Variants in DCAF17 observed in about 807,000 individuals in gnomAD.
The protein encoded by DCAF17 is DDB1 and CUL4 associated factor 17, also known as DDB1- and CUL4-associated factor 17.
A neutral mutation model predicts 66.0 loss-of-function variants in DCAF17; 48 were observed. The ratio of observed to expected loss-of-function variants is 0.73; its 90% confidence interval spans 0.58 to 0.92. The LOEUF (loss-of-function observed/expected upper bound fraction) is 0.92. Ranked by LOEUF, DCAF17 falls within the 40% of genes least tolerant of loss-of-function variation. The probability of loss-of-function intolerance (pLI) is 0.00; values close to 1 mark genes in which losing one functional copy is unlikely to be tolerated. For synonymous variants in DCAF17, 206 were observed against 214.6 expected (o/e 0.96, Z 0.35); for missense variants, 562 against 622.8 (o/e 0.90, Z 1.04).
intron 12 of DCAF17, among the ~76,000 whole-genome samples, 188 bp downstream of exon 12, chr2:171,478,258 T>A (rs1696592115): frequency 6.6e-6 from 1 of 152,232 alleles, no homozygotes; most frequent in African/African-American, 2.4e-5. Context: ...ATATTGTAAT[T>A]ATTCTTAAAG....
chr2:171,447,356 C>G (rs1019158883), intron 3 of DCAF17: 14 of 353,668 alleles, frequency 4.0e-5, no homozygotes, highest in Admixed American at 3.1e-4. Context: ...CCTCTCTTTA[C>G]TTTCTTTCTT....
chr2:171,447,571 C>G (rs1161243021), intron 3 of DCAF17: 1 of 170,624 alleles, frequency 5.9e-6, no homozygotes, highest in African/African-American at 2.4e-5. Flanking sequence ...GCCATGTTGG[C>G]CAGGCTGGTC....
rs1693686548 is a variant in DCAF17, at chr2:171,434,636, G to T, written c.59G>T (p.Cys20Phe). Residue 20 changes from cysteine to phenylalanine, a missense_variant, in exon 1 of 14, where the codon TGC becomes TTC. Cys to Phe is a radical substitution (Grantham distance 205). Coordinates refer to ENST00000375255, the MANE Select transcript of DCAF17 (RefSeq NM_025000.4). ...CSRLSRRALG[C>F]FSRDAGVVQR... ...CGGCTGAGTCGCCGGGCGCTGGGCT[G>T]CTTCTCGCGCGACGCAGGCGTGGTG... 2.0e-6 allele frequency: 3 copies of T among 1,533,506 alleles called. No individual in the cohort carries two copies. Among genetic ancestry groups the T allele is most frequent in the Non-Finnish European group, 2.6e-6 (3 of 1,148,072 alleles). 95.0% of individuals were successfully genotyped at this position (1,533,506 alleles called of 1,614,324 possible). A position where few individuals can be genotyped will look rare whatever the true frequency, so the allele number is the denominator to read the frequency against.
intron 3 of DCAF17, among the ~76,000 whole-genome samples, chr2:171,446,265 TG>T (rs1694617905): frequency 6.6e-6 from 1 of 151,698 alleles, no homozygotes; most frequent in Non-Finnish European, 1.5e-5. Context: ...TCTAGGAGAG[TG>T]GCCAGGTGCG....
At position 171,435,201 on chromosome 2, in the gene DCAF17, A is replaced by G. The variant is rs778241115; in HGVS notation, c.230+15A>G. 3.8e-6 allele frequency: 6 copies of G among 1,585,330 alleles called. No individual in the cohort carries two copies. The East Asian group carries it at 6.7e-5, about 18-fold the overall frequency. On this transcript the variant is annotated intron_variant, in intron 2 of 13. Transcript: ENST00000375255. ...TGTGTCAGCAGGTAACTTTTTATTG[A>G]TAATTTTGCTGTAATTCACCTCACT...
intron 8 of DCAF17, among the ~76,000 whole-genome samples, chr2:171,467,468 C>T (rs983235787): frequency 1.3e-5 from 2 of 151,992 alleles, no homozygotes; most frequent in Admixed American, 6.6e-5. Flanking sequence ...GCAGGCGGAT[C>T]GCTTGTGGCC....
At chr2:171,460,978 T>C (rs1695554039) in intron 8 of DCAF17, among the ~76,000 whole-genome samples, 1 of 152,158 alleles carries the variant, frequency 6.6e-6, no homozygotes, top group Non-Finnish European at 1.5e-5. Context: ...ACTAAGAAAA[T>C]TAGCACATTA....
rs1696717681 is a variant in DCAF17 at position 171,480,986 on chromosome 2, G to A, written c.1435G>A (p.Glu479Lys). The A allele has an allele frequency of 6.2e-7, 1 of 1,613,762 alleles. No individual in the cohort carries two copies. Among genetic ancestry groups the A allele is most frequent in the Non-Finnish European group, 8.5e-7 (1 of 1,179,694 alleles). ...TGTTTTGTTACAGACATATAGCCAT[G>A]AAGTCTACTTTGACAGAGACTTGGT... ...VESWDVTYSH[E>K]VYFDRDLVLH... Residue 479 changes from glutamate to lysine, a missense_variant, in exon 14 of 14, where the codon GAA becomes AAA. Physicochemically the swap from Glu to Lys is moderately conservative, Grantham distance 56. This residue lies in a region of DCAF17 where 201 missense variants were observed against 231.1 expected (regional missense o/e 0.87). Transcript: ENST00000375255.
Position 171,481,006 on chromosome 2 carries a change from C to T in DCAF17, c.1455C>T (p.Asp485=), listed in dbSNP as rs1387898294. The T allele has an allele frequency of 6.2e-7, 1 of 1,613,742 alleles. No individual in the cohort carries two copies. Among genetic ancestry groups the T allele is most frequent in the Non-Finnish European group, 8.5e-7 (1 of 1,179,714 alleles). Residue 485 remains aspartate (D), a synonymous_variant, in exon 14 of 14, where the codon GAC becomes GAT. Transcript: ENST00000375255. ...GCCATGAAGTCTACTTTGACAGAGACTTGGTGCTACACATAGAGCAGAAAC... is the reference window on the plus strand; with the variant it reads ...GCCATGAAGTCTACTTTGACAGAGATTTGGTGCTACACATAGAGCAGAAAC... ...TYSHEVYFDR[D]LVLHIEQKPN...
intron 3 of DCAF17, among the ~76,000 whole-genome samples, chr2:171,446,386 A>T (rs1694626030): frequency 1.3e-5 from 2 of 152,066 alleles, no homozygotes; most frequent in African/African-American, 2.4e-5. Context: ...TCTCTACTAA[A>T]AATACAAAAA....
chr2:171,482,091 A>G lies in DCAF17; in HGVS notation c.*977A>G. ...AAGCATTATTTCTTCTTTGTTAGGAAAGATCTAAATATGGTCCTTGACTTT... is the reference window on the plus strand; with the variant it reads ...AAGCATTATTTCTTCTTTGTTAGGAGAGATCTAAATATGGTCCTTGACTTT... On this transcript the variant is annotated 3_prime_UTR_variant, in exon 14 of 14. Coordinates refer to ENST00000375255, the MANE Select transcript of DCAF17 (RefSeq NM_025000.4). The G allele has an allele frequency of 2.2e-6, 1 of 453,252 alleles. No homozygotes were observed. The highest frequency in any genetic ancestry group is 4.4e-6 in the Non-Finnish European group (1 of 226,598). 28.1% of individuals were successfully genotyped at this position (453,252 alleles called of 1,614,324 possible). A position where few individuals can be genotyped will look rare whatever the true frequency, so the allele number is the denominator to read the frequency against.
chr2:171,455,255 G>A (rs898557885), intron 6 of DCAF17, among the ~76,000 whole-genome samples: 4 of 152,106 alleles, frequency 2.6e-5, no homozygotes. Context: ...AGAACATGGA[G>A]TATTTGGTTT....
intron 2 of DCAF17, among the ~76,000 whole-genome samples, chr2:171,436,974 A>G (rs2105719138): frequency 6.6e-6 from 1 of 152,052 alleles, no homozygotes; most frequent in East Asian, 1.9e-4. Flanking sequence ...GGGTTTCTCC[A>G]TGTTGGTCAG....
rs2105302156 is a variant in DCAF17 at position 171,481,580 on chromosome 2, A to G, written c.*466A>G. 1 of 454,060 alleles carries G rather than the reference A, an allele frequency of 2.2e-6. No homozygotes were observed. The highest frequency in any genetic ancestry group is 1.6e-5 in the South Asian group (1 of 64,474). 28.1% of individuals were successfully genotyped at this position (454,060 alleles called of 1,614,324 possible). A position where few individuals can be genotyped will look rare whatever the true frequency, so the allele number is the denominator to read the frequency against. ...ACTTTGCTTAAGGATGAGAAATGAG[A>G]TGTGTTATGTGAGAACATTATTTTG... is the stretch of plus-strand genomic sequence containing the variant. On this transcript the variant is annotated 3_prime_UTR_variant, in exon 14 of 14. Coordinates refer to ENST00000375255, the MANE Select transcript of DCAF17 (RefSeq NM_025000.4).
At position 171,453,216 on chromosome 2, in the gene DCAF17, A is replaced by G. The variant is rs1157200367; in HGVS notation, c.627+3A>G. ...GGATTCTAGAGATCAACAAAAAGGTAAGAACTCATTTCTTATTTAATTGCA... is the reference window on the plus strand; with the variant it reads ...GGATTCTAGAGATCAACAAAAAGGTGAGAACTCATTTCTTATTTAATTGCA... On this transcript the variant is annotated splice_donor_region_variant and intron_variant, in intron 6 of 13. Transcript: ENST00000375255. 6.2e-7 allele frequency: 1 copy of G among 1,601,964 alleles called. No homozygotes were observed. The highest frequency in any genetic ancestry group is 8.5e-7 in the Non-Finnish European group (1 of 1,170,480).
In DCAF17 at chr2:171,481,754, A is replaced by G. The variant is rs1332877924; in HGVS notation, c.*640A>G. The G allele has an allele frequency of 2.2e-6, 1 of 453,584 alleles. No individual in the cohort carries two copies. Among genetic ancestry groups the G allele is most frequent in the East Asian group, 6.9e-5 (1 of 14,392 alleles). The allele number at this position is 453,584 out of a possible 1,614,324, so 28.1% of individuals were successfully genotyped here. A position where few individuals can be genotyped will look rare whatever the true frequency, so the allele number is the denominator to read the frequency against. Reference sequence around the variant, plus strand: ...TTCTCTTGGCTTGATGTTCACATTGAATATTTGTGTTTCTATATAGGCTAA... The same window carrying G: ...TTCTCTTGGCTTGATGTTCACATTGGATATTTGTGTTTCTATATAGGCTAA... On this transcript the variant is annotated 3_prime_UTR_variant, in exon 14 of 14. Transcript: ENST00000375255.
At chr2:171,464,256 A>G (rs865832062) in intron 8 of DCAF17, among the ~76,000 whole-genome samples, 2 of 152,184 alleles carry the variant, frequency 1.3e-5, no homozygotes, top group African/African-American at 2.4e-5. Context: ...GCTTTAAACA[A>G]TGGAAATTGA....
At position 171,481,982 on chromosome 2, in the gene DCAF17, T is replaced by C; in HGVS notation, c.*868T>C. The C allele has an allele frequency of 2.2e-6, 1 of 454,064 alleles. No homozygotes were observed. The highest frequency in any genetic ancestry group is 4.4e-6 in the Non-Finnish European group (1 of 226,754). 28.1% of individuals were successfully genotyped at this position (454,064 alleles called of 1,614,324 possible). A position where few individuals can be genotyped will look rare whatever the true frequency, so the allele number is the denominator to read the frequency against. On this transcript the variant is annotated 3_prime_UTR_variant, in exon 14 of 14. Coordinates refer to ENST00000375255, the MANE Select transcript of DCAF17 (RefSeq NM_025000.4). Reference sequence around the variant, plus strand: ...AGTAGTTCTGTTTCCTGTAGAAAAGTGGATAAAGAGTCCCAGAAGAAGTTC... The same window carrying C: ...AGTAGTTCTGTTTCCTGTAGAAAAGCGGATAAAGAGTCCCAGAAGAAGTTC...
intron 8 of DCAF17, among the ~76,000 whole-genome samples, chr2:171,463,187 G>C (rs4417688): frequency 1.3e-5 from 2 of 149,912 alleles, no homozygotes; most frequent in South Asian, 4.2e-4. Flanking sequence ...GTGAGACTGC[G>C]CCACTGCACT....
Sources: gnomAD v4.1 joint callset for allele counts (sites outside exome capture counted in the v4.1 genomes callset) on GRCh38, gnomAD v4.1.1 for gene constraint, gnomAD v4.1.1 regional missense constraint, MANE v1.5 for transcripts, NCBI Gene and HGNC (gene_info 2026-07-23, HGNC 2026-07-21) for gene names.